Variants in OXR1 observed in about 807,000 individuals in gnomAD.
OXR1 encodes oxidation resistance protein 1.
A neutral mutation model predicts 104.6 loss-of-function variants in OXR1; 41 were observed. The ratio of observed to expected loss-of-function variants is 0.39; its 90% CI spans 0.31 to 0.51. OXR1 has a LOEUF of 0.51. OXR1 is among the 20% of genes least tolerant of loss of function. The pLI, the probability that OXR1 is intolerant of heterozygous loss-of-function variation, is 0.77. For missense variants in OXR1, 955 were observed against 1,031.9 expected (o/e 0.93, Z 1.02); for synonymous variants, 348 against 348.4 (o/e 1.00, Z 0.01).
At chr8:106,582,272 G>A (rs73699594) in intron 3 of OXR1, among the ~76,000 whole-genome samples, 3,890 of 148,960 alleles carry the variant, frequency 0.026, 68 homozygotes, top group African/African-American at 0.06. Context: ...AGCTCACTTG[G>A]AGAGAAATAA....
At chr8:106,573,777 T>G (rs1490340174) in intron 3 of OXR1, among the ~76,000 whole-genome samples, 1 of 152,230 alleles carries the variant, frequency 6.6e-6, no homozygotes, top group Non-Finnish European at 1.5e-5. Context: ...CTTGAGAATC[T>G]AATTTTTATT....
chr8:106,467,730 G>A (rs961600812), intron 2 of OXR1, among the ~76,000 whole-genome samples: 1 of 151,882 alleles, frequency 6.6e-6, no homozygotes, highest in Non-Finnish European at 1.5e-5. Flanking sequence ...CACTCCTAAT[G>A]AGATGTGTAG....
chr8:106,430,813 T>G (rs1269847046), intron 2 of OXR1, among the ~76,000 whole-genome samples: 1 of 152,124 alleles, frequency 6.6e-6, no homozygotes, highest in East Asian at 1.9e-4. Context: ...ACAAACCCAT[T>G]TTAGTCTATC....
intron 2 of OXR1, among the ~76,000 whole-genome samples, chr8:106,469,894 G>T (rs922784549): frequency 4.0e-5 from 6 of 151,746 alleles, no homozygotes; most frequent in Non-Finnish European, 8.8e-5. Flanking sequence ...TTAAGCAAAG[G>T]TGCAAATGAA....
At chr8:106,345,913 C>T (rs1256506807) in intron 1 of OXR1, among the ~76,000 whole-genome samples, 4 of 152,026 alleles carry the variant, frequency 2.6e-5, no homozygotes, top group African/African-American at 9.7e-5. Context: ...CTACTGATGG[C>T]GCTGTAATTC....
chr8:106,539,270 A>G (rs1375065110), intron 3 of OXR1, among the ~76,000 whole-genome samples: 1 of 152,220 alleles, frequency 6.6e-6, no homozygotes, highest in East Asian at 1.9e-4. Context: ...TTACTGCCGT[A>G]ATTTTACTTC....
At chr8:106,435,493 T>C (rs1426617315) in intron 2 of OXR1, among the ~76,000 whole-genome samples, 1 of 152,176 alleles carries the variant, frequency 6.6e-6, no homozygotes, top group East Asian at 1.9e-4. Context: ...TAATTACCAG[T>C]ACATCTGTTT....
At chr8:106,599,191 A>T (rs1382163935) in intron 3 of OXR1, among the ~76,000 whole-genome samples, 1 of 152,152 alleles carries the variant, frequency 6.6e-6, no homozygotes, top group East Asian at 1.9e-4. Context: ...CCCAGTTGCT[A>T]TTTATTACTG....
chr8:106,567,719 T>C (rs1817183694), intron 3 of OXR1, among the ~76,000 whole-genome samples: 2 of 152,166 alleles, frequency 1.3e-5, no homozygotes, highest in African/African-American at 4.8e-5. Flanking sequence ...TTGATAAGGG[T>C]AATGCAAACC....
At chr8:106,478,090 G>A (rs559718278) in intron 2 of OXR1, among the ~76,000 whole-genome samples, 5 of 151,764 alleles carry the variant, frequency 3.3e-5, no homozygotes, top group African/African-American at 1.2e-4. Context: ...TAAAATCATC[G>A]GTGACACTGA....
intron 3 of OXR1, among the ~76,000 whole-genome samples, chr8:106,581,798 C>T (rs951814640): frequency 7.2e-5 from 11 of 151,872 alleles, no homozygotes; most frequent in Admixed American, 6.6e-5. Context: ...CCAAGGCAGA[C>T]AGATCATCTG....
chr8:106,322,908 ACT>A (rs1217952734), intron 1 of OXR1, among the ~76,000 whole-genome samples: 1 of 152,116 alleles, frequency 6.6e-6, no homozygotes, highest in Non-Finnish European at 1.5e-5. Context: ...ATGGAAAAAC[ACT>A]CTATGCACAT....
chr8:106,703,064 T>C lies in OXR1; in HGVS notation c.834T>C (p.Asp278=). The change falls in exon 8 of 17, where the codon GAT becomes GAC. Residue 278 remains aspartate (D), a synonymous_variant. Coordinates refer to ENST00000517566, the MANE Select transcript of OXR1 (RefSeq NM_001198533.2). ...MSAAMYKEIL[D]SKIKESLPID... is the part of the protein sequence containing the mutation. Reference sequence around the variant, plus strand: ...CTGCAATGTACAAAGAAATTTTGGATAGCAAAATAAAGGAATCTTTACCCA... The same window carrying C: ...CTGCAATGTACAAAGAAATTTTGGACAGCAAAATAAAGGAATCTTTACCCA... The C allele has an allele frequency of 6.2e-7, 1 of 1,612,812 alleles. No homozygotes were observed. Among genetic ancestry groups the C allele is most frequent in the Admixed American group, 1.7e-5 (1 of 59,950 alleles).
chr8:106,322,636 T>C (rs4475448), intron 1 of OXR1, among the ~76,000 whole-genome samples: 94,903 of 151,952 alleles, frequency 0.62, 30,088 homozygotes, highest in African/African-American at 0.74. Context: ...CTAGAAAACC[T>C]TATCAACTCA....
chr8:106,318,279 T>C (rs372929579), intron 1 of OXR1, among the ~76,000 whole-genome samples: 1 of 152,214 alleles, frequency 6.6e-6, no homozygotes. Flanking sequence ...GTTGTTAAAA[T>C]CCAAAACAAT....
At chr8:106,750,327 T>TC (rs1835782970) in intron 16 of OXR1, among the ~76,000 whole-genome samples, 3 of 145,750 alleles carry the variant, frequency 2.1e-5, no homozygotes, top group Non-Finnish European at 3.0e-5. Context: ...TTCTTTTCTT[T>TC]TTTTTTTTTT....
intron 2 of OXR1, among the ~76,000 whole-genome samples, chr8:106,429,685 T>G (rs956977977): frequency 1.4e-4 from 22 of 151,918 alleles, no homozygotes; most frequent in Non-Finnish European, 2.8e-4. Context: ...AATGCTTACT[T>G]TATCAGATAA....
At position 106,706,848 on chromosome 8, in the gene OXR1, A is replaced by G; in HGVS notation, c.1327A>G (p.Ile443Val). 5 of 1,612,574 alleles carry G rather than the reference A, an allele frequency of 3.1e-6. No individual in the cohort carries two copies. The highest frequency in any genetic ancestry group is 4.2e-6 in the Non-Finnish European group (5 of 1,179,698). Residue 443 changes from isoleucine to valine, a missense_variant, in exon 9 of 17, where the codon ATA (isoleucine) becomes GTA (valine). Coordinates refer to ENST00000517566, the MANE Select transcript of OXR1 (RefSeq NM_001198533.2). Reference protein sequence around the residue: ...ISGPKEDSTSIKGNSDQDSFL... With the variant: ...ISGPKEDSTSVKGNSDQDSFL... ...AGGTCCTAAAGAAGACAGCACAAGTATAAAAGGTAATTCAGACCAGGATTC... is the reference window on the plus strand; with the variant it reads ...AGGTCCTAAAGAAGACAGCACAAGTGTAAAAGGTAATTCAGACCAGGATTC...
intron 1 of OXR1, among the ~76,000 whole-genome samples, chr8:106,332,339 A>C (rs1424011777): frequency 6.6e-6 from 1 of 152,124 alleles, no homozygotes; most frequent in Non-Finnish European, 1.5e-5. Flanking sequence ...AACACTTAGG[A>C]TCTTGTTATG....
Sources: gnomAD v4.1 joint callset for allele counts (sites outside exome capture counted in the v4.1 genomes callset) on GRCh38, gnomAD v4.1.1 for gene constraint, MANE v1.5 for transcripts, NCBI Gene and HGNC (gene_info 2026-07-23, HGNC 2026-07-21) for gene names.